The following DNM1L variants were observed in gnomAD, a reference collection of about 807,000 sequenced individuals.
The protein encoded by DNM1L is dynamin-1-like protein.
Under a neutral mutation model 92.8 loss-of-function variants are expected in DNM1L, and 33 were observed. The ratio of observed to expected loss-of-function variants is 0.36; its 90% CI spans 0.27 to 0.48. The LOEUF is 0.48. DNM1L is among the 20% of genes least tolerant of loss of function. The probability of loss-of-function intolerance (pLI) is 0.99; values close to 1 mark genes in which losing one functional copy is unlikely to be tolerated. For missense variants in DNM1L, 485 were observed against 888.8 expected, an observed-to-expected ratio of 0.55 and a Z score of 5.78; for synonymous variants, 284 against 305.0, an observed-to-expected ratio of 0.93 and a Z score of 0.72.
Position 32,742,732 on chromosome 12 carries a change from C to A in DNM1L, c.2138C>A (p.Ala713Glu). 2 of 1,614,022 alleles carry A rather than the reference C, an allele frequency of 1.2e-6. No homozygotes were observed. Among genetic ancestry groups the A allele is most frequent in the Non-Finnish European group, 1.7e-6 (2 of 1,180,000 alleles). ...GACATGGCACAGCGCAGGAAAGAAG[C>A]AGCTGATATGCTAAAGGTATTGTGG... is the stretch of plus-strand genomic sequence containing the variant. ...SEDMAQRRKEAADMLKALQGA... is the reference protein window; with the variant it reads ...SEDMAQRRKEEADMLKALQGA... The change falls in exon 19 of 20, where the codon GCA (alanine) becomes GAA (glutamate). Residue 713 changes from alanine to glutamate, a missense_variant. Physicochemically the swap from Ala to Glu is moderately radical, Grantham distance 107. Coordinates refer to ENST00000549701, the MANE Select transcript of DNM1L (RefSeq NM_012062.5).
chr12:32,726,278 T>C, intron 9 of DNM1L: 1 of 962,280 alleles, frequency 1.0e-6, no homozygotes, highest in Non-Finnish European at 1.6e-6. Flanking sequence ...AAACAAAAAT[T>C]ACCCAGTCTA....
chr12:32,684,065 C>T (rs766899069), intron 1 of DNM1L, among the ~76,000 whole-genome samples: 5 of 152,070 alleles, frequency 3.3e-5, no homozygotes, highest in Non-Finnish European at 5.9e-5. Flanking sequence ...CAAAATTCAC[C>T]CTTATAAAGT....
chr12:32,705,215 C>G (rs1398519982), intron 2 of DNM1L, among the ~76,000 whole-genome samples: 1 of 151,962 alleles, frequency 6.6e-6, no homozygotes, highest in African/African-American at 2.4e-5. Context: ...GTTGGCCAGG[C>G]TGGTCTTGAA....
In DNM1L at chr12:32,744,244, T is replaced by C. The variant is rs890406854; in HGVS notation, c.*834T>C. ...CCTTAATTTGCAAATACAGTAGTAA[T>C]TAAGGTACATCTCTAAAGTGGAGCA... On this transcript the variant is annotated 3_prime_UTR_variant, in exon 20 of 20. Coordinates refer to ENST00000549701, the MANE Select transcript of DNM1L (RefSeq NM_012062.5). 1 of 152,326 alleles carries C rather than the reference T, an allele frequency of 6.6e-6. No individual in the cohort carries two copies. Among genetic ancestry groups the C allele is most frequent in the Non-Finnish European group, 1.5e-5 (1 of 68,122 alleles). 9.4% of individuals were successfully genotyped at this position (152,326 alleles called of 1,614,324 possible). A position where few individuals can be genotyped will look rare whatever the true frequency, so the allele number is the denominator to read the frequency against.
Position 32,731,793 on chromosome 12 carries a change from G to A in DNM1L, c.1357-61G>A, listed in dbSNP as rs1429247513. ...CTAAGGTGGGAGGATGGCTTAGTGAGACTATGACTTAAAAAAAAAACAAAA... is the reference window on the plus strand; with the variant it reads ...CTAAGGTGGGAGGATGGCTTAGTGAAACTATGACTTAAAAAAAAAACAAAA... On this transcript the variant is annotated intron_variant, in intron 11 of 19. Coordinates refer to ENST00000549701, the MANE Select transcript of DNM1L (RefSeq NM_012062.5). The surrounding 1 kb of genome is among the most constrained non-coding windows in gnomAD (Gnocchi z 5.1). 5.1e-6 allele frequency: 7 copies of A among 1,373,860 alleles called. No individual in the cohort carries two copies. The African/African-American group carries it at 7.3e-5, about 14-fold the overall frequency. 85.1% of individuals were successfully genotyped at this position (1,373,860 alleles called of 1,614,324 possible).
intron 13 of DNM1L, chr12:32,736,805 G>A: frequency 5.3e-6 from 2 of 374,062 alleles, no homozygotes; most frequent in East Asian, 5.4e-5. Context: ...TTCTTAGTGG[G>A]AAAGGGGGAG....
intron 6 of DNM1L, 84 bp downstream of exon 6, chr12:32,713,455 C>T (rs1273642061): frequency 1.4e-6 from 2 of 1,417,982 alleles, no homozygotes; most frequent in Non-Finnish European, 2.0e-6. Flanking sequence ...TCTTTAAAAA[C>T]AGTATCTCTG....
At chr12:32,706,923 T>G (rs1952950501) in intron 2 of DNM1L, 1 of 255,416 alleles carries the variant, frequency 3.9e-6, no homozygotes, top group South Asian at 4.3e-5. Flanking sequence ...TTACATATGT[T>G]TTTTGCACTA....
At chr12:32,725,222 T>TTG in intron 9 of DNM1L, 1 of 152,120 alleles carries the variant, frequency 6.6e-6, no homozygotes, top group Non-Finnish European at 1.5e-5. Context: ...TGGTACAAAA[T>TTG]TAAGACATCT....
At chr12:32,733,610 G>A in intron 12 of DNM1L, 105 bp from the exon 13 acceptor site, 2 of 893,774 alleles carry the variant, frequency 2.2e-6, no homozygotes, top group Non-Finnish European at 3.7e-6. Flanking sequence ...TAAGTTTCCT[G>A]TACTTTTTCG....
At chr12:32,738,747 TGA>T (rs1223619144) in intron 16 of DNM1L, among the ~76,000 whole-genome samples, 1 of 152,182 alleles carries the variant, frequency 6.6e-6, no homozygotes, top group Non-Finnish European at 1.5e-5. Context: ...ATGGGGACTG[TGA>T]GAGTTTGAGA....
chr12:32,698,999 G>A (rs1952583448), intron 1 of DNM1L, among the ~76,000 whole-genome samples: 1 of 151,516 alleles, frequency 6.6e-6, no homozygotes, highest in South Asian at 2.1e-4. Context: ...CAGCCTGAAT[G>A]GTAGAATGAG....
chr12:32,720,804 T>C lies in DNM1L; in HGVS notation c.872+9T>C, dbSNP rs1193033899. The C allele has an allele frequency of 6.2e-7, 1 of 1,612,574 alleles. No individual in the cohort carries two copies. The highest frequency in any genetic ancestry group is 1.1e-5 in the South Asian group (1 of 91,022). ...GCTAGGACTCTAAACAGGTAATTTT[T>C]TTACCTTTTGGAAATGAGATGTGTT... On this transcript the variant is annotated intron_variant, in intron 8 of 19. Transcript: ENST00000549701.
intron 13 of DNM1L, 88 bp from the exon 14 acceptor site, chr12:32,737,017 C>T: frequency 7.4e-7 from 1 of 1,359,914 alleles, no homozygotes; most frequent in Non-Finnish European, 1.0e-6. Flanking sequence ...GTAAGTTACT[C>T]CACACTTTTC....
intron 1 of DNM1L, among the ~76,000 whole-genome samples, chr12:32,700,467 G>T (rs561938594): frequency 1.1e-4 from 16 of 151,180 alleles, no homozygotes; most frequent in African/African-American, 3.6e-4. Context: ...AGCAGGTTAG[G>T]CCAGGAGCAG....
intron 4 of DNM1L, among the ~76,000 whole-genome samples, chr12:32,710,629 AAAAAAG>A (rs1338810979): frequency 5.3e-5 from 8 of 151,986 alleles, no homozygotes; most frequent in African/African-American, 1.9e-4. Context: ...AAAAAAAAAA[AAAAAAG>A]AAAGCAAAGG....
At position 32,698,695 on chromosome 12, in the gene DNM1L, A is replaced by G. The variant is rs532286247; in HGVS notation, c.103-2720A>G. Among the ~76,000 whole-genome samples, 29 of 147,764 alleles carry G rather than the reference A, an allele frequency of 2.0e-4. No homozygotes were observed. In the South Asian group the frequency reaches 6.1e-3, roughly 31 times the overall value. On this transcript the variant is annotated intron_variant, in intron 1 of 19. Coordinates refer to ENST00000549701, the MANE Select transcript of DNM1L (RefSeq NM_012062.5). ...AAATAGAGTACAGAATATACTGTAT[A>G]GAAAAATAAGTTTATTGCAAACTTA... is the stretch of plus-strand genomic sequence containing the variant.
rs34943495 is a variant in DNM1L, at chr12:32,699,796, CAAAAAA to C, written c.103-1601_103-1596del. Among the ~76,000 whole-genome samples, 350 of 73,596 alleles carry C rather than the reference CAAAAAA, an allele frequency of 4.8e-3. 1 individual carries two copies. The South Asian group carries it at 0.054, about 11-fold the overall frequency. The allele number at this position is 73,596 out of a possible 152,430, so 48.3% of individuals were successfully genotyped here. A position where few individuals can be genotyped will look rare whatever the true frequency, so the allele number is the denominator to read the frequency against. ...TGGGCGACAGAGCAAGACTCCATCT[CAAAAAA>C]AAAAAAAAAAAAAAAAAGCAATGAT... On this transcript the variant is annotated intron_variant, in intron 1 of 19. Coordinates refer to ENST00000549701, the MANE Select transcript of DNM1L (RefSeq NM_012062.5).
At chr12:32,738,177 G>A in intron 15 of DNM1L, 87 bp from the exon 16 acceptor site, 1 of 1,488,406 alleles carries the variant, frequency 6.7e-7, no homozygotes, top group East Asian at 2.3e-5. Context: ...ATTTAAAGAG[G>A]AAATTATCCT....
Sources: allele counts gnomAD v4.1 joint callset (sites outside exome capture counted in the v4.1 genomes callset), GRCh38; gene constraint gnomAD v4.1.1; non-coding constraint Gnocchi (gnomAD v3.1); transcripts MANE v1.5; gene names NCBI Gene and HGNC (gene_info 2026-07-23, HGNC 2026-07-21).